Variants in VPS13B observed in about 807,000 individuals in gnomAD.
The protein encoded by VPS13B is intermembrane lipid transfer protein VPS13B.
Under a neutral mutation model 426.4 loss-of-function variants are expected in VPS13B, and 285 were observed. The observed-to-expected ratio is 0.67, with a 90% confidence interval of 0.61 to 0.74. The LOEUF is 0.74. Among genes scored for constraint, VPS13B ranks in the 30% least tolerant of loss-of-function variants. VPS13B has a pLI of 0.00. For missense variants in VPS13B, 4,537 were observed against 4,782.6 expected, an observed-to-expected ratio of 0.95 and a Z score of 1.51; for synonymous variants, 1,676 against 1,676.4, an observed-to-expected ratio of 1.00 and a Z score of 0.01.
intron 3 of VPS13B, among the ~76,000 whole-genome samples, chr8:99,065,421 G>A (rs967284444): frequency 1.4e-4 from 21 of 152,094 alleles, no homozygotes; most frequent in East Asian, 3.9e-4. Context: ...CCACATGATC[G>A]TCTCAATGGA....
intron 8 of VPS13B, among the ~76,000 whole-genome samples, chr8:99,126,007 G>T (rs530421163): frequency 9.4e-4 from 143 of 151,926 alleles, no homozygotes; most frequent in Middle Eastern, 6.8e-3. Flanking sequence ...GGAAAAAATC[G>T]ATATAGGCAA....
At chr8:99,064,306 C>G (rs891985818) in intron 3 of VPS13B, among the ~76,000 whole-genome samples, 2 of 152,144 alleles carry the variant, frequency 1.3e-5, no homozygotes, top group Non-Finnish European at 2.9e-5. Context: ...TAACAAAATT[C>G]TCTGAGCTAA....
At chr8:99,663,484 A>G (rs1357631296) in intron 35 of VPS13B, among the ~76,000 whole-genome samples, 1 of 152,236 alleles carries the variant, frequency 6.6e-6, no homozygotes, top group Non-Finnish European at 1.5e-5. Flanking sequence ...GGTGAGTGCT[A>G]GTATTTGGTT....
At chr8:99,395,286 C>A (rs1447745983) in intron 21 of VPS13B, among the ~76,000 whole-genome samples, 1 of 152,138 alleles carries the variant, frequency 6.6e-6, no homozygotes, top group African/African-American at 2.4e-5. Context: ...CCCCTGGGAG[C>A]AACAATAGAG....
At chr8:99,514,891 G>A (rs751902656) in intron 29 of VPS13B, among the ~76,000 whole-genome samples, 48 of 152,190 alleles carry the variant, frequency 3.2e-4, no homozygotes, top group Non-Finnish European at 3.8e-4. Flanking sequence ...TTGTGGATTA[G>A]AGCACGATTT....
chr8:99,256,675 C>T (rs1181081105), intron 17 of VPS13B, among the ~76,000 whole-genome samples: 2 of 152,006 alleles, frequency 1.3e-5, no homozygotes, highest in East Asian at 3.9e-4. Context: ...TGCTTATTAT[C>T]CATTTGCATA....
intron 43 of VPS13B, among the ~76,000 whole-genome samples, chr8:99,786,590 C>T (rs1011872095): frequency 2.0e-5 from 3 of 152,060 alleles, no homozygotes; most frequent in Non-Finnish European, 4.4e-5. Flanking sequence ...AACTGTGTTA[C>T]CAAAAATAAT....
intron 17 of VPS13B, among the ~76,000 whole-genome samples, chr8:99,257,569 CA>C (rs1817817862): frequency 6.6e-6 from 1 of 152,140 alleles, no homozygotes; most frequent in Non-Finnish European, 1.5e-5. Context: ...TGTACACACA[CA>C]CACACACACA....
chr8:99,849,413 A>G (rs1275739219), intron 55 of VPS13B, among the ~76,000 whole-genome samples: 1 of 152,244 alleles, frequency 6.6e-6, no homozygotes, highest in African/African-American at 2.4e-5. Flanking sequence ...TACAGAAACA[A>G]AAATAGGGGC....
At chr8:99,479,753 A>G (rs1049858197) in intron 24 of VPS13B, among the ~76,000 whole-genome samples, 1 of 152,284 alleles carries the variant, frequency 6.6e-6, no homozygotes, top group Non-Finnish European at 1.5e-5. Flanking sequence ...TTTTATGGCT[A>G]AACAGCATCC....
At chr8:99,428,525 A>G (rs1457903570) in intron 21 of VPS13B, among the ~76,000 whole-genome samples, 1 of 152,226 alleles carries the variant, frequency 6.6e-6, no homozygotes, top group African/African-American at 2.4e-5. Flanking sequence ...CAAAAGACAC[A>G]TGAAAAAATG....
intron 24 of VPS13B, among the ~76,000 whole-genome samples, chr8:99,472,787 C>T (rs1819481111): frequency 6.6e-6 from 1 of 151,664 alleles, no homozygotes; most frequent in African/African-American, 2.4e-5. Flanking sequence ...CTTAGCTAGA[C>T]TGAAATAATA....
At chr8:99,263,803 C>T (rs1818169334) in intron 17 of VPS13B, among the ~76,000 whole-genome samples, 1 of 152,120 alleles carries the variant, frequency 6.6e-6, no homozygotes. Flanking sequence ...TTCACAGGTC[C>T]TGAGGTTTAG....
intron 31 of VPS13B, among the ~76,000 whole-genome samples, chr8:99,561,552 A>C (rs1824923997): frequency 6.6e-6 from 1 of 152,186 alleles, no homozygotes; most frequent in South Asian, 2.1e-4. Context: ...TCCGGTTTTC[A>C]CTTTCAGTAC....
intron 23 of VPS13B, among the ~76,000 whole-genome samples, chr8:99,460,474 A>G (rs976828523): frequency 6.6e-6 from 1 of 152,146 alleles, no homozygotes; most frequent in Non-Finnish European, 1.5e-5. Context: ...AGCATTTTCA[A>G]GTACTTAAGA....
At chr8:99,799,545 C>T (rs1259468070) in intron 43 of VPS13B, among the ~76,000 whole-genome samples, 3 of 152,170 alleles carry the variant, frequency 2.0e-5, no homozygotes, top group Admixed American at 2.0e-4. Flanking sequence ...TACAGCAAGG[C>T]AGTTTAGTTA....
intron 30 of VPS13B, among the ~76,000 whole-genome samples, chr8:99,535,152 A>G (rs1014808858): frequency 6.6e-6 from 1 of 152,196 alleles, no homozygotes; most frequent in Non-Finnish European, 1.5e-5. Context: ...TTAATAATAA[A>G]TTACCTCTAC....
intron 28 of VPS13B, chr8:99,508,013 C>A: frequency 6.5e-7 from 1 of 1,540,246 alleles, no homozygotes; most frequent in Non-Finnish European, 9.0e-7. Flanking sequence ...GTGTTTTCCT[C>A]CATATCATAA....
intron 33 of VPS13B, among the ~76,000 whole-genome samples, chr8:99,616,122 C>T (rs929324389): frequency 1.3e-5 from 2 of 152,022 alleles, no homozygotes; most frequent in African/African-American, 2.4e-5. Context: ...TTTAAAACTG[C>T]TGTATTCTTT....
Sources: gnomAD v4.1 joint callset for allele counts (sites outside exome capture counted in the v4.1 genomes callset) on GRCh38, gnomAD v4.1.1 for gene constraint, MANE v1.5 for transcripts, NCBI Gene and HGNC (gene_info 2026-07-23, HGNC 2026-07-21) for gene names.